The following RSPH10B variants were observed in gnomAD, a reference collection of about 807,000 sequenced individuals.
RSPH10B encodes the protein radial spoke head 10 homolog B (Chlamydomonas).
A neutral mutation model predicts 52.5 loss-of-function variants in RSPH10B; 7 were observed. The observed-to-expected ratio is 0.13, with a 90% CI of 0.08 to 0.25. RSPH10B has a LOEUF of 0.25. RSPH10B is among the 10% of genes least tolerant of loss of function. The pLI, the probability that RSPH10B is intolerant of heterozygous loss-of-function variation, is 1.00. For synonymous variants in RSPH10B, 28 were observed against 193.2 expected (o/e 0.14, Z 7.09); for missense variants, 89 against 542.5 (o/e 0.16, Z 8.30).
chr7:5,942,914 A>T (rs1389701322), intron 13 of RSPH10B, among the ~76,000 whole-genome samples: 6 of 113,730 alleles, frequency 5.3e-5, no homozygotes, highest in South Asian at 2.8e-4. Context: ...ATATTTATTT[A>T]TATATATATA....
chr7:5,938,996 C>T lies in RSPH10B; in HGVS notation c.1759-167G>A, dbSNP rs1475980647. 1.6e-4 allele frequency among the ~76,000 whole-genome samples: 12 copies of T among 77,120 alleles called. 3 individuals are homozygous for T. The highest frequency in any genetic ancestry group is 2.6e-4 in the African/African-American group (6 of 23,034). 50.6% of individuals were successfully genotyped at this position (77,120 alleles called of 152,430 possible). ...TGTCGCCCAGGCTGCTAGGCAGTGG[C>T]GCAATCTCAGCTCACTGCAACGTCC... On this transcript the variant is annotated intron_variant, in intron 13 of 18. Coordinates refer to ENST00000337579, the Ensembl canonical transcript of RSPH10B.
chr7:5,961,287 A>T (rs1428004821), intron 3 of RSPH10B, among the ~76,000 whole-genome samples: 1 of 143,516 alleles, frequency 7.0e-6, no homozygotes, highest in Non-Finnish European at 1.6e-5. Flanking sequence ...CGGGAATTTG[A>T]GGCCAGTCTG....
chr7:5,932,200 G>A (rs1376626590), intron 17 of RSPH10B, among the ~76,000 whole-genome samples: 1 of 123,682 alleles, frequency 8.1e-6, no homozygotes, highest in Non-Finnish European at 1.8e-5. Flanking sequence ...GGGAGGAAGC[G>A]CAGTCAGCAG....
At chr7:5,937,086 CAAAA>C (rs1246119855) in intron 15 of RSPH10B, among the ~76,000 whole-genome samples, 1 of 25,082 alleles carries the variant, frequency 4.0e-5, no homozygotes. Context: ...AGCTCTGTCT[CAAAA>C]AAAAAAAAAA....
intron 16 of RSPH10B, 140 bp from the exon 19 acceptor site, chr7:5,933,015 C>CT (rs71223185): frequency 0.094 from 2,563 of 27,226 alleles, 9 homozygotes; most frequent in South Asian, 0.15. Flanking sequence ...TTTAATTTGA[C>CT]TTTTTTTTTT....
intron 17 of RSPH10B, among the ~76,000 whole-genome samples, chr7:5,931,636 CAGG>C (rs1348087865): frequency 2.7e-5 from 4 of 150,778 alleles, no homozygotes; most frequent in Non-Finnish European, 4.4e-5. Context: ...CGTTCAGATC[CAGG>C]AGTTCTTGGA....
chr7:5,938,059 GCA>G lies in RSPH10B; in HGVS notation c.1867-160_1867-159del, dbSNP rs1349212112. On this transcript the variant is annotated intron_variant, in intron 14 of 18. Transcript: ENST00000337579. ...CACGTGCACAAAGACACACACACAT[GCA>G]CACACACGCACAGACACGCACACAC... Among the ~76,000 whole-genome samples, 6 of 129,570 alleles carry G rather than the reference GCA, an allele frequency of 4.6e-5. No individual in the cohort carries two copies. The East Asian group carries it at 5.9e-4, about 13-fold the overall frequency. 85.0% of individuals were successfully genotyped at this position (129,570 alleles called of 152,430 possible).
chr7:5,927,014 CAA>C (rs1360654291), intron 18 of RSPH10B, among the ~76,000 whole-genome samples: 5 of 137,314 alleles, frequency 3.6e-5, no homozygotes, highest in African/African-American at 1.4e-4. Context: ...CTCGGCCTCC[CAA>C]AGTTACGTGT....
At chr7:5,932,432 G>A (rs1157755390) in intron 17 of RSPH10B, among the ~76,000 whole-genome samples, 1 of 108,800 alleles carries the variant, frequency 9.2e-6, no homozygotes, top group East Asian at 2.3e-4. Flanking sequence ...AGGCCCAGCT[G>A]TCCCATACTG....
In RSPH10B at chr7:5,966,473, C is replaced by A. The variant is rs532041061; in HGVS notation, c.254+390G>T. ...AACCTGCACATGTAACCCTCTAAAT[C>A]TAAAATAAAATAATTTTTTTAAATA... On this transcript the variant is annotated intron_variant, in intron 1 of 18. Coordinates refer to ENST00000337579, the Ensembl canonical transcript of RSPH10B. 3.6e-4 allele frequency among the ~76,000 whole-genome samples: 38 copies of A among 105,722 alleles called. 4 individuals carry two copies. The highest frequency in any genetic ancestry group is 1.2e-3 in the African/African-American group (34 of 28,682). 69.4% of individuals were successfully genotyped at this position (105,722 alleles called of 152,430 possible).
At chr7:5,945,618 CA>C (rs1448600462) in intron 10 of RSPH10B, among the ~76,000 whole-genome samples, 296 of 27,728 alleles carry the variant, frequency 0.011, no homozygotes, top group Middle Eastern at 0.038. Context: ...GACTTCATCT[CA>C]AAAAAAAAAA....
upstream of RSPH10B, among the ~76,000 whole-genome samples, chr7:5,968,640 A>G (rs879655353): frequency 0.019 from 1,288 of 67,570 alleles, 80 homozygotes; most frequent in African/African-American, 0.044. Flanking sequence ...CTGAGTAGCT[A>G]GGACTACAGG....
At chr7:5,932,089 C>T (rs544069964) in intron 17 of RSPH10B, among the ~76,000 whole-genome samples, 1 of 137,224 alleles carries the variant, frequency 7.3e-6, no homozygotes, top group African/African-American at 2.8e-5. Flanking sequence ...AGAGTAACAG[C>T]GGGAAATTCC....
chr7:5,942,912 T>TTA (rs59583341), intron 13 of RSPH10B, among the ~76,000 whole-genome samples: 18 of 93,654 alleles, frequency 1.9e-4, no homozygotes, highest in South Asian at 6.0e-4. Context: ...ATATATTTAT[T>TTA]TATATATATA....
At chr7:5,960,383 C>G (rs62454735) in intron 4 of RSPH10B, among the ~76,000 whole-genome samples, 3 of 49,432 alleles carry the variant, frequency 6.1e-5, no homozygotes, top group African/African-American at 1.6e-4. Flanking sequence ...ATTGCACTCC[C>G]GCCTGGGCGA....
intron 18 of RSPH10B, among the ~76,000 whole-genome samples, chr7:5,927,076 G>GTGTATATATATA (rs1554284575): frequency 3.0e-5 from 4 of 131,606 alleles, no homozygotes; most frequent in East Asian, 2.2e-4. Context: ...GTATATGTGT[G>GTGTATATATATA]TGTGTGTGTG....
intron 13 of RSPH10B, among the ~76,000 whole-genome samples, chr7:5,940,830 G>A: frequency 2.0e-5 from 1 of 50,114 alleles, no homozygotes. Context: ...GGAGGCTGAG[G>A]CAGAAGAATC....
chr7:5,932,080 G>A (rs1435368551), intron 17 of RSPH10B, among the ~76,000 whole-genome samples: 2 of 141,460 alleles, frequency 1.4e-5, no homozygotes, highest in Non-Finnish European at 3.1e-5. Context: ...AAGGCCAGCA[G>A]AGTAACAGCG....
chr7:5,957,817 A>T lies in RSPH10B; in HGVS notation c.780+90T>A. On this transcript the variant is annotated intron_variant, in intron 6 of 18. Coordinates refer to ENST00000337579, the Ensembl canonical transcript of RSPH10B. Reference sequence around the variant, plus strand: ...TCTGTCTCAAAACAAAAACAAAAACAAAAACAAAACCCAAAAAGAAATATA... The same window carrying T: ...TCTGTCTCAAAACAAAAACAAAAACTAAAACAAAACCCAAAAAGAAATATA... 1.4e-6 allele frequency: 2 copies of T among 1,480,034 alleles called. 1 individual carries two copies. The highest frequency in any genetic ancestry group is 1.8e-6 in the Non-Finnish European group (2 of 1,123,776). The allele number at this position is 1,480,034 out of a possible 1,614,324, so 91.7% of individuals were successfully genotyped here. A position where few individuals can be genotyped will look rare whatever the true frequency, so the allele number is the denominator to read the frequency against.
Sources: gnomAD v4.1 joint callset for allele counts (sites outside exome capture counted in the v4.1 genomes callset) on GRCh38, gnomAD v4.1.1 for gene constraint, MANE v1.5 for transcripts, NCBI Gene and HGNC (gene_info 2026-07-23, HGNC 2026-07-21) for gene names.